The following IL7 variants were observed in gnomAD, a reference collection of about 807,000 sequenced individuals.
IL7 encodes interleukin-7.
Under a neutral mutation model 21.6 loss-of-function variants are expected in IL7, and 3 were observed. The observed-to-expected ratio is 0.14, with a 90% confidence interval of 0.06 to 0.36. The LOEUF (loss-of-function observed/expected upper bound fraction) is 0.36. Ranked by LOEUF, IL7 falls within the 10% of genes least tolerant of loss-of-function variation. The pLI, the probability that IL7 is intolerant of heterozygous loss-of-function variation, is 1.00. For missense variants in IL7, 175 were observed against 200.2 expected (o/e 0.87, Z 0.76); for synonymous variants, 62 against 68.1 (o/e 0.91, Z 0.44).
chr8:78,685,859 AT>A (rs1209880007), intron 4 of IL7: 1 of 152,254 alleles, frequency 6.6e-6, no homozygotes, highest in East Asian at 1.9e-4. Context: ...AAACTGGATA[AT>A]TTATAAAGAA....
chr8:78,736,383 A>G (rs1293637972), intron 5 of IL7, 91 bp downstream of exon 5: 5 of 743,072 alleles, frequency 6.7e-6, no homozygotes, highest in Non-Finnish European at 8.8e-6. Flanking sequence ...AAAACCAGCT[A>G]TAAGAAGGAA....
intron 3 of IL7, among the ~76,000 whole-genome samples, chr8:78,727,476 T>A (rs1811358315): frequency 6.6e-6 from 1 of 152,052 alleles, no homozygotes; most frequent in African/African-American, 2.4e-5. Flanking sequence ...TTCCAAGGAA[T>A]GATTGACATA....
chr8:78,764,779 CAATTCCA>C (rs1424947737), intron 2 of IL7, among the ~76,000 whole-genome samples: 1 of 152,026 alleles, frequency 6.6e-6, no homozygotes, highest in East Asian at 1.9e-4. Context: ...AGACTCAATG[CAATTCCA>C]ATCAGAATCC....
intron 3 of IL7, among the ~76,000 whole-genome samples, chr8:78,724,539 A>C (rs1811307389): frequency 5.3e-5 from 3 of 56,932 alleles, no homozygotes. Context: ...TATAGGGAAA[A>C]CTCATAAACT....
chr8:78,752,531 A>C (rs1417874937), intron 2 of IL7, among the ~76,000 whole-genome samples: 1 of 151,974 alleles, frequency 6.6e-6, no homozygotes, highest in Non-Finnish European at 1.5e-5. Context: ...GATCTTGAGC[A>C]TTTTTTCTCA....
chr8:78,686,413 A>T, intron 3 of IL7: 1 of 1,260,298 alleles, frequency 7.9e-7, no homozygotes, highest in South Asian at 2.5e-5. Context: ...ATTTCAATAT[A>T]CTAAAAAGAT....
chr8:78,706,065 C>T (rs1391866225), intron 3 of IL7, among the ~76,000 whole-genome samples: 2 of 152,152 alleles, frequency 1.3e-5, no homozygotes, highest in Non-Finnish European at 2.9e-5. Flanking sequence ...GCTGGGGAAT[C>T]CTCTCTGCCT....
chr8:78,760,527 TG>T (rs1456532450), intron 2 of IL7: 1 of 1,537,416 alleles, frequency 6.5e-7, no homozygotes, highest in African/African-American at 1.4e-5. Context: ...GTGTCAGGAT[TG>T]GGTAAGTCAC....
At chr8:78,786,521 T>C (rs1477488549) in intron 2 of IL7, among the ~76,000 whole-genome samples, 6 of 152,176 alleles carry the variant, frequency 3.9e-5, no homozygotes. Context: ...TGACTGGCAG[T>C]GCAATGGGTT....
chr8:78,761,766 C>G (rs1812567762), intron 2 of IL7: 1 of 1,611,908 alleles, frequency 6.2e-7, no homozygotes, highest in Admixed American at 1.7e-5. Flanking sequence ...GCTGTTGTCT[C>G]AAACCGCTTT....
intron 3 of IL7, among the ~76,000 whole-genome samples, chr8:78,725,057 A>G (rs751446789): frequency 1.3e-5 from 2 of 152,044 alleles, no homozygotes; most frequent in Non-Finnish European, 2.9e-5. Flanking sequence ...TTTGAAAATC[A>G]TATGTTTGGC....
chr8:78,758,433 G>T (rs1314050555), intron 2 of IL7, among the ~76,000 whole-genome samples: 2 of 152,042 alleles, frequency 1.3e-5, no homozygotes, highest in Non-Finnish European at 2.9e-5. Flanking sequence ...TAGTGTATCT[G>T]CTCTACCCGT....
intron 2 of IL7, chr8:78,762,505 CG>C: frequency 9.8e-7 from 1 of 1,023,416 alleles, no homozygotes; most frequent in South Asian, 2.3e-5. Context: ...CCGTCGGGGC[CG>C]GGGAGGGGAG....
chr8:78,762,926 T>A (rs922269273), intron 2 of IL7, among the ~76,000 whole-genome samples: 9 of 152,222 alleles, frequency 5.9e-5, no homozygotes, highest in Admixed American at 5.9e-4. Context: ...AGAGAAAGAC[T>A]TTTCCTGTAG....
downstream of IL7, among the ~76,000 whole-genome samples, chr8:78,729,863 A>T (rs1197643331): frequency 6.6e-6 from 1 of 152,000 alleles, no homozygotes; most frequent in East Asian, 1.9e-4. Flanking sequence ...TAAGCATTGA[A>T]GATAGAAATT....
chr8:78,706,869 T>C (rs1810789347), intron 3 of IL7, among the ~76,000 whole-genome samples: 1 of 152,260 alleles, frequency 6.6e-6, no homozygotes, highest in African/African-American at 2.4e-5. Flanking sequence ...GTAATTATCA[T>C]TATAGAAAAG....
intron 4 of IL7, among the ~76,000 whole-genome samples, chr8:78,680,236 G>A (rs992701587): frequency 8.1e-5 from 10 of 124,216 alleles, no homozygotes; most frequent in African/African-American, 2.8e-4. Context: ...CTAGAAAAAA[G>A]CAAAGTACAG....
At chr8:78,716,990 G>A (rs1245843458), downstream of IL7, among the ~76,000 whole-genome samples, 3 of 151,876 alleles carry the variant, frequency 2.0e-5, no homozygotes, top group Non-Finnish European at 4.4e-5. Flanking sequence ...CAAGCTTTCT[G>A]TACAGCCTGC....
downstream of IL7, among the ~76,000 whole-genome samples, chr8:78,715,912 C>A (rs1811085607): frequency 6.6e-6 from 1 of 151,278 alleles, no homozygotes; most frequent in African/African-American, 2.4e-5. Context: ...TGGTGTTGCA[C>A]ACCTGTAATC....
Sources: gnomAD v4.1 joint callset for allele counts (sites outside exome capture counted in the v4.1 genomes callset) on GRCh38, gnomAD v4.1.1 for gene constraint, MANE v1.5 for transcripts, NCBI Gene and HGNC (gene_info 2026-07-23, HGNC 2026-07-21) for gene names.